Variants in TEK observed in about 807,000 individuals in gnomAD.
TEK encodes the protein TEK receptor tyrosine kinase.
A neutral mutation model predicts 131.8 loss-of-function variants in TEK; 43 were observed. That is an observed-to-expected ratio of 0.33 (90% CI 0.26 to 0.42). The LOEUF (loss-of-function observed/expected upper bound fraction) is 0.42, where lower values mean the gene tolerates loss of function less well. Ranked by LOEUF, TEK falls within the 10% of genes least tolerant of loss-of-function variation. The probability of loss-of-function intolerance (pLI) is 1.00; values close to 1 mark genes in which losing one functional copy is unlikely to be tolerated. For missense variants in TEK, 1,162 were observed against 1,384.4 expected, an observed-to-expected ratio of 0.84 and a Z score of 2.55; for synonymous variants, 580 against 491.6, an observed-to-expected ratio of 1.18 and a Z score of -2.38.
intron 2 of TEK, among the ~76,000 whole-genome samples, chr9:27,164,575 T>C (rs571088651): frequency 6.7e-4 from 102 of 152,318 alleles, no homozygotes; most frequent in African/African-American, 2.4e-3. Context: ...CACCTTGGCC[T>C]CACAAAGTGC....
At chr9:27,195,706 G>A (rs562012036) in intron 11 of TEK, 3 of 455,908 alleles carry the variant, frequency 6.6e-6, no homozygotes, top group African/African-American at 6.0e-5. Flanking sequence ...AGGAAGGGAG[G>A]GAGGAAACCA....
In TEK at chr9:27,221,135, A is replaced by T. The variant is rs1826056742; in HGVS notation, c.3200+990A>T. On this transcript the variant is annotated intron_variant, in intron 21 of 22. Transcript: ENST00000380036. ...CTTGAGTAGGCGGTTTTCCCCTCAC[A>T]ATGTAAAAAAAGTCACAGGGAAGTT... 2.6e-5 allele frequency among the ~76,000 whole-genome samples: 4 copies of T among 152,290 alleles called. No individual in the cohort carries two copies. The South Asian group carries it at 8.3e-4, about 32-fold the overall frequency.
chr9:27,171,128 C>T (rs777083318), intron 4 of TEK, among the ~76,000 whole-genome samples: 11 of 151,960 alleles, frequency 7.2e-5, no homozygotes, highest in Non-Finnish European at 1.6e-4. Flanking sequence ...TTTTTTTCTC[C>T]ATTATAACTA....
intron 1 of TEK, among the ~76,000 whole-genome samples, chr9:27,126,727 G>C (rs1443086759): frequency 2.6e-5 from 4 of 152,298 alleles, no homozygotes; most frequent in Middle Eastern, 6.8e-3. Context: ...TTCTGACACA[G>C]AGGAGACAGT....
At position 27,224,793 on chromosome 9, in the gene TEK, A is replaced by G. The variant is rs1328891614; in HGVS notation, c.3201-3413A>G. Among the ~76,000 whole-genome samples the G allele has an allele frequency of 3.9e-5, 6 of 152,330 alleles. No individual in the cohort carries two copies. The East Asian group carries it at 5.8e-4, about 15-fold the overall frequency. ...AAGAGAAAGAAAGAAAGGGCATTCA[A>G]ATAGGAAGAGAGGAAGTCAAACTGT... On this transcript the variant is annotated intron_variant, in intron 21 of 22. Transcript: ENST00000380036.
intron 1 of TEK, among the ~76,000 whole-genome samples, chr9:27,152,314 C>T (rs1823155936): frequency 2.0e-5 from 3 of 151,954 alleles, no homozygotes; most frequent in Admixed American, 2.0e-4. Flanking sequence ...ATTTAATCTG[C>T]CTAAAATTGT....
At chr9:27,198,557 A>G (rs1825108024) in intron 12 of TEK, among the ~76,000 whole-genome samples, 1 of 152,232 alleles carries the variant, frequency 6.6e-6, no homozygotes, top group African/African-American at 2.4e-5. Flanking sequence ...AATTCTGTGA[A>G]ATTTCCAAGG....
At chr9:27,142,607 T>C (rs752949230) in intron 1 of TEK, among the ~76,000 whole-genome samples, 1 of 152,242 alleles carries the variant, frequency 6.6e-6, no homozygotes, top group Non-Finnish European at 1.5e-5. Context: ...TTCATAGTCT[T>C]ACATGTGGTC....
chr9:27,173,450 T>G, intron 6 of TEK, 88 bp downstream of exon 6: 1 of 1,543,030 alleles, frequency 6.5e-7, no homozygotes, highest in South Asian at 1.1e-5. Context: ...ACATCGGATA[T>G]ACCTGGACTG....
At chr9:27,217,557 G>C in intron 18 of TEK, 131 bp from the exon 19 acceptor site, 1 of 776,692 alleles carries the variant, frequency 1.3e-6, no homozygotes. Flanking sequence ...AACACATGTA[G>C]CTGGGACATA....
intron 1 of TEK, among the ~76,000 whole-genome samples, chr9:27,128,380 A>C (rs185253794): frequency 5.9e-5 from 9 of 151,842 alleles, no homozygotes; most frequent in Non-Finnish European, 1.0e-4. Flanking sequence ...GTTACTGTGG[A>C]CTTGTAGTAT....
intron 4 of TEK, among the ~76,000 whole-genome samples, chr9:27,170,404 C>G (rs994933): frequency 0.3 from 46,184 of 151,846 alleles, 7,420 homozygotes; most frequent in Admixed American, 0.35. Flanking sequence ...TTTGAGAGGC[C>G]CTTTGAGCTC....
At chr9:27,171,488 A>G (rs756723682) in intron 4 of TEK, among the ~76,000 whole-genome samples, 1 of 152,366 alleles carries the variant, frequency 6.6e-6, no homozygotes, top group South Asian at 2.1e-4. Flanking sequence ...ATAATTAGCT[A>G]AATAAATATT....
intron 1 of TEK, among the ~76,000 whole-genome samples, chr9:27,111,738 T>TA (rs1564030335): frequency 1.3e-5 from 2 of 151,846 alleles, no homozygotes; most frequent in South Asian, 2.1e-4. Flanking sequence ...TTCCCTACTC[T>TA]TCCTCATAAA....
Position 27,182,901 on chromosome 9 carries a change from T to A in TEK, c.1031-558T>A, listed in dbSNP as rs540153641. On this transcript the variant is annotated intron_variant, in intron 7 of 22. Coordinates refer to ENST00000380036, the MANE Select transcript of TEK (RefSeq NM_000459.5). ...GGGAAGTTATATTTCACTTCTTTGA[T>A]GTACTTCTTTTGTGAGCAACTTTAT... 2.0e-5 allele frequency among the ~76,000 whole-genome samples: 3 copies of A among 152,344 alleles called. No homozygotes were observed. In the East Asian group the frequency reaches 5.8e-4, roughly 29 times the overall value.
intron 11 of TEK, among the ~76,000 whole-genome samples, chr9:27,196,762 CTTTTTTTT>C (rs367911024): frequency 2.0e-5 from 2 of 99,290 alleles, no homozygotes; most frequent in Middle Eastern, 8.1e-3. Context: ...GTGCTATACA[CTTTTTTTT>C]TTTTTTTTTT....
At chr9:27,190,817 A>T (rs1435584502) in intron 10 of TEK, 127 bp downstream of exon 10, 21 of 1,366,638 alleles carry the variant, frequency 1.5e-5, no homozygotes, top group Non-Finnish European at 2.0e-5. Flanking sequence ...GTTGCAGAGG[A>T]TTCTGTTTCA....
intron 14 of TEK, among the ~76,000 whole-genome samples, chr9:27,205,315 C>T (rs1007233391): frequency 6.6e-6 from 1 of 152,112 alleles, no homozygotes; most frequent in Non-Finnish European, 1.5e-5. Context: ...ACTAGGTCTG[C>T]CCCTGCCTGC....
chr9:27,203,076 C>T lies in TEK; in HGVS notation c.2166C>T (p.Asn722=), dbSNP rs777939062. The T allele has an allele frequency of 1.9e-6, 3 of 1,614,104 alleles. No homozygotes were observed. In the South Asian group the frequency reaches 3.3e-5, roughly 18 times the overall value. The change falls in exon 13 of 23, where the codon AAC becomes AAT. Residue 722 remains asparagine (N), a synonymous_variant. Transcript: ENST00000380036. ...IFAENNIGSS[N]PAFSHELVTL... is the part of the protein sequence containing the mutation. The stretch of plus-strand genomic sequence containing the variant: ...CAGAGAACAACATAGGGTCAAGCAA[C>T]CCAGCCTTTTCTCATGAACTGGTGA...
Sources: gnomAD v4.1 joint callset for allele counts (sites outside exome capture counted in the v4.1 genomes callset) on GRCh38, gnomAD v4.1.1 for gene constraint, MANE v1.5 for transcripts, NCBI Gene and HGNC (gene_info 2026-07-23, HGNC 2026-07-21) for gene names.